TMEM50B: variants seen among roughly 807,000 people sequenced by gnomAD.
TMEM50B encodes HCV p7-trans-regulated protein 3.
In TMEM50B, 14 loss-of-function variants were observed where a neutral mutation model predicts 23.4. The observed-to-expected ratio is 0.60, with a 90% confidence interval of 0.39 to 0.93. The LOEUF is 0.93. Among genes scored for constraint, TMEM50B ranks in the 40% least tolerant of loss-of-function variants. The pLI, the probability that TMEM50B is intolerant of heterozygous loss-of-function variation, is 0.00. For synonymous variants in TMEM50B, 64 were observed against 62.3 expected (o/e 1.03, Z -0.13); for missense variants, 159 against 193.0 (o/e 0.82, Z 1.04).
intron 4 of TMEM50B, among the ~76,000 whole-genome samples, chr21:33,461,683 T>C (rs1017697422): frequency 3.0e-4 from 46 of 152,084 alleles, no homozygotes; most frequent in African/African-American, 1.0e-3. Context: ...CGGGTGCCTG[T>C]AGTCCCAGCT....
At chr21:33,473,699 C>G (rs1460498086) in intron 1 of TMEM50B, among the ~76,000 whole-genome samples, 1 of 151,344 alleles carries the variant, frequency 6.6e-6, no homozygotes, top group African/African-American at 2.4e-5. Flanking sequence ...CTACTCCTAT[C>G]TAACTACCCA....
intron 5 of TMEM50B, chr21:33,456,167 CT>C: frequency 2.1e-6 from 1 of 466,786 alleles, no homozygotes; most frequent in South Asian, 1.6e-5. Flanking sequence ...AATTTATTTT[CT>C]TTCATGAATT....
At chr21:33,437,811 C>G (rs1358427321) in intron 8 of TMEM50B, among the ~76,000 whole-genome samples, 1 of 149,166 alleles carries the variant, frequency 6.7e-6, no homozygotes, top group Admixed American at 6.7e-5. Context: ...TGGTGAAACC[C>G]TGTCTCTATG....
intron 8 of TMEM50B, among the ~76,000 whole-genome samples, chr21:33,435,080 T>G (rs985895125): frequency 1.3e-5 from 2 of 152,252 alleles, no homozygotes; most frequent in Non-Finnish European, 2.9e-5. Flanking sequence ...AGCTACAAGC[T>G]TATTGTCTTC....
At chr21:33,433,935 C>A (rs115926819) in intron 8 of TMEM50B, among the ~76,000 whole-genome samples, 3 of 151,880 alleles carry the variant, frequency 2.0e-5, no homozygotes, top group Non-Finnish European at 2.9e-5. Flanking sequence ...GACGTGAAGG[C>A]GGTGGAGACA....
intron 1 of TMEM50B, among the ~76,000 whole-genome samples, chr21:33,475,626 G>A (rs943364817): frequency 2.0e-5 from 3 of 151,888 alleles, no homozygotes; most frequent in East Asian, 3.9e-4. Context: ...GAATACAGGC[G>A]TGAGCCACCG....
intron 8 of TMEM50B, chr21:33,432,842 C>A (rs1156828361): frequency 1.9e-6 from 3 of 1,613,578 alleles, no homozygotes; most frequent in East Asian, 2.2e-5. Context: ...GTTTCACACT[C>A]CACCAAGCAT....
intron 1 of TMEM50B, among the ~76,000 whole-genome samples, chr21:33,474,928 C>G (rs1262406526): frequency 1.3e-5 from 2 of 150,174 alleles, no homozygotes; most frequent in African/African-American, 4.9e-5. Context: ...TTTTGTTCCC[C>G]CACCGCCACC....
chr21:33,472,965 G>A (rs746362250), intron 1 of TMEM50B, among the ~76,000 whole-genome samples: 2 of 151,854 alleles, frequency 1.3e-5, no homozygotes, highest in Non-Finnish European at 2.9e-5. Flanking sequence ...CTCCAAGGAG[G>A]ATAAATACAA....
intron 8 of TMEM50B, chr21:33,439,127 TGTG>T: frequency 6.6e-6 from 1 of 152,350 alleles, no homozygotes; most frequent in Non-Finnish European, 1.5e-5. Flanking sequence ...CAAGTCTCCC[TGTG>T]AAGCATCTGT....
chr21:33,456,843 A>G lies in TMEM50B; in HGVS notation c.374-1059T>C, dbSNP rs139031610. On this transcript the variant is annotated intron_variant, in intron 5 of 6. Transcript: ENST00000542230. ...CAGTATCTAGCCTATAAAGTAATAT[A>G]TAAAAGTTAGCTATTACTATGAATA... Among the ~76,000 whole-genome samples the G allele has an allele frequency of 5.1e-3, 784 of 152,376 alleles. 10 individuals carry two copies. Among genetic ancestry groups the G allele is most frequent in the African/African-American group, 0.018 (742 of 41,590 alleles).
chr21:33,437,057 C>T, intron 8 of TMEM50B: 1 of 1,287,452 alleles, frequency 7.8e-7, no homozygotes, highest in Non-Finnish European at 1.1e-6. Flanking sequence ...ACCAGTATTC[C>T]CTTTTGCTGC....
At chr21:33,471,806 C>T (rs2084318705) in intron 1 of TMEM50B, among the ~76,000 whole-genome samples, 3 of 152,010 alleles carry the variant, frequency 2.0e-5, no homozygotes, top group East Asian at 1.9e-4. Flanking sequence ...GAGGCCGAGG[C>T]AGGCGGATCA....
intron 3 of TMEM50B, 71 bp from the exon 4 acceptor site, chr21:33,465,480 C>G (rs980662762): frequency 3.5e-6 from 4 of 1,128,900 alleles, no homozygotes; most frequent in African/African-American, 1.6e-5. Flanking sequence ...TTATATAACA[C>G]TTAGACGGAA....
intron 6 of TMEM50B, among the ~76,000 whole-genome samples, chr21:33,455,045 G>A (rs1231108489): frequency 1.3e-5 from 2 of 152,136 alleles, no homozygotes; most frequent in Non-Finnish European, 2.9e-5. Context: ...TGAGTCCCGA[G>A]GCGGAGGCTG....
In TMEM50B at chr21:33,450,550, G is replaced by C. The variant is rs1049573368; in HGVS notation, c.*268C>G. 3.1e-6 allele frequency: 1 copy of C among 322,078 alleles called. No individual in the cohort carries two copies. The highest frequency in any genetic ancestry group is 5.7e-6 in the Non-Finnish European group (1 of 176,072). The allele number at this position is 322,078 out of a possible 1,614,324, so 20.0% of individuals were successfully genotyped here. On this transcript the variant is annotated 3_prime_UTR_variant, in exon 7 of 7. Transcript: ENST00000542230. The stretch of plus-strand genomic sequence containing the variant: ...GACAAGATGATGTAACCCTGGCTCA[G>C]GGAGTAGATCAAGTTCTAAATCTCA...
At chr21:33,476,024 C>A (rs887730073) in intron 1 of TMEM50B, among the ~76,000 whole-genome samples, 2 of 152,198 alleles carry the variant, frequency 1.3e-5, no homozygotes, top group African/African-American at 4.8e-5. Flanking sequence ...AACACCACTT[C>A]GTGGTAAGAA....
chr21:33,476,247 G>A (rs929034244), intron 1 of TMEM50B, among the ~76,000 whole-genome samples: 1 of 151,838 alleles, frequency 6.6e-6, no homozygotes, highest in African/African-American at 2.4e-5. Context: ...AGCCGAGGTG[G>A]TGGCGCATGT....
chr21:33,465,926 C>T (rs1484440424), intron 3 of TMEM50B, among the ~76,000 whole-genome samples: 1 of 151,920 alleles, frequency 6.6e-6, no homozygotes, highest in African/African-American at 2.4e-5. Flanking sequence ...TTTTAGAAGC[C>T]ACAATGGATA....
Sources: gnomAD v4.1 joint callset for allele counts (sites outside exome capture counted in the v4.1 genomes callset) on GRCh38, gnomAD v4.1.1 for gene constraint, MANE v1.5 for transcripts, NCBI Gene and HGNC (gene_info 2026-07-23, HGNC 2026-07-21) for gene names.